Variants in PCDH11Y observed in about 807,000 individuals in gnomAD.
PCDH11Y encodes the protein protocadherin 11 Y-linked.
For missense variants in PCDH11Y, 12 were observed against 224.8 expected (o/e 0.05, Z 6.05); for synonymous variants, 9 against 83.6 (o/e 0.11, Z 4.87).
At chrY:5,452,124 C>G (rs2053293714) in intron 2 of PCDH11Y, among the ~76,000 whole-genome samples, 1 of 33,099 alleles carries the variant, frequency 3.0e-5, no homozygotes, top group African/African-American at 1.2e-4. Flanking sequence ...ATTCAGTTTG[C>G]TGAGAAGGAT....
intron 2 of PCDH11Y, among the ~76,000 whole-genome samples, chrY:5,223,226 G>A: frequency 6.2e-5 from 2 of 32,369 alleles, no homozygotes; most frequent in Non-Finnish European, 1.5e-4. Flanking sequence ...ATTTCTCTAT[G>A]ATATATTCTA....
chrY:5,193,004 T>G (rs2124648606), intron 2 of PCDH11Y, among the ~76,000 whole-genome samples: 1 of 32,704 alleles, frequency 3.1e-5, no homozygotes, highest in South Asian at 6.7e-4. Context: ...AATAGTCTTT[T>G]TCTCTCCCAA....
intron 2 of PCDH11Y, among the ~76,000 whole-genome samples, chrY:5,452,474 G>T: frequency 3.0e-5 from 1 of 33,428 alleles, no homozygotes; most frequent in Non-Finnish European, 7.4e-5. Context: ...ACACTTCGCA[G>T]CTGTGAACTG....
intron 1 of PCDH11Y, among the ~76,000 whole-genome samples, chrY:5,067,405 CTG>C (rs2124629939): frequency 3.0e-5 from 1 of 32,932 alleles, no homozygotes; most frequent in South Asian, 6.7e-4. Flanking sequence ...GTTTTGTAAA[CTG>C]TAATCTCATT....
At chrY:5,548,819 C>A in intron 3 of PCDH11Y, among the ~76,000 whole-genome samples, 3 of 32,688 alleles carry the variant, frequency 9.2e-5, no homozygotes, top group Non-Finnish European at 2.3e-4. Context: ...TGCAGCCAAA[C>A]TAAGCTTCCT....
chrY:5,003,354 T>C, intron 1 of PCDH11Y, among the ~76,000 whole-genome samples: 1 of 34,184 alleles, frequency 2.9e-5, no homozygotes, highest in Non-Finnish European at 7.3e-5. Flanking sequence ...TAACTGGTGT[T>C]AAATTTCTGC....
chrY:5,486,749 A>T (rs13303667), intron 2 of PCDH11Y, among the ~76,000 whole-genome samples: 1 of 10,389 alleles, frequency 9.6e-5, no homozygotes, highest in Non-Finnish European at 1.6e-4. Context: ...ATATATATAT[A>T]TATTTTTTTT....
At chrY:5,554,960 A>T in intron 3 of PCDH11Y, among the ~76,000 whole-genome samples, 1 of 32,158 alleles carries the variant, frequency 3.1e-5, no homozygotes, top group South Asian at 7.2e-4. Flanking sequence ...CAGACCTTAG[A>T]ATGGTAGATC....
At chrY:5,482,755 T>G in intron 2 of PCDH11Y, among the ~76,000 whole-genome samples, 2 of 29,407 alleles carry the variant, frequency 6.8e-5, no homozygotes. Context: ...ATTTAAATTT[T>G]AAGCAATTGC....
At chrY:5,526,982 G>T in intron 3 of PCDH11Y, among the ~76,000 whole-genome samples, 1 of 31,865 alleles carries the variant, frequency 3.1e-5, no homozygotes, top group Non-Finnish European at 7.6e-5. Context: ...TATGAAAGAA[G>T]AAATATGTGT....
intron 2 of PCDH11Y, among the ~76,000 whole-genome samples, chrY:5,112,921 T>TA (rs2052803820): frequency 5.9e-5 from 2 of 33,830 alleles, no homozygotes; most frequent in Non-Finnish European, 7.4e-5. Flanking sequence ...GCTGTAATTT[T>TA]AAAAAACCAA....
chrY:5,728,831 G>A (rs2053600976), intron 4 of PCDH11Y, among the ~76,000 whole-genome samples: 1 of 31,972 alleles, frequency 3.1e-5, no homozygotes, highest in South Asian at 7.2e-4. Flanking sequence ...ATTTCCATGA[G>A]TACCCAATGT....
intron 1 of PCDH11Y, among the ~76,000 whole-genome samples, chrY:5,097,605 G>A (rs1602862872): frequency 3.1e-5 from 1 of 32,367 alleles, no homozygotes; most frequent in East Asian, 8.0e-4. Flanking sequence ...TTATGAGGAC[G>A]CAAAGGCATA....
chrY:5,084,675 T>C (rs2052726543), intron 1 of PCDH11Y, among the ~76,000 whole-genome samples: 1 of 30,823 alleles, frequency 3.2e-5, no homozygotes. Context: ...TTTCTTTATA[T>C]ATCCAGGAGC....
At chrY:5,043,946 C>T (rs2052624155) in intron 3 of PCDH11Y, among the ~76,000 whole-genome samples, 1 of 33,047 alleles carries the variant, frequency 3.0e-5, no homozygotes, top group Admixed American at 2.8e-4. Context: ...TCTGTGGGAT[C>T]AGTGGTGATA....
In PCDH11Y at chrY:5,472,391, A is replaced by T. The variant is rs2124684840; in HGVS notation, c.3130-28666A>T. Among the ~76,000 whole-genome samples the T allele has an allele frequency of 2.2e-4, 7 of 31,777 alleles. No homozygotes were observed. The South Asian group carries it at 4.9e-3, about 22-fold the overall frequency. The allele number at this position is 31,777 out of a possible 37,273, so 85.3% of individuals were successfully genotyped here. A position where few individuals can be genotyped will look rare whatever the true frequency, so the allele number is the denominator to read the frequency against. On this transcript the variant is annotated intron_variant, in intron 2 of 4. Transcript: ENST00000400457. Reference sequence around the variant, plus strand: ...CTCCCAGATTTCCAAAACTGCTGGAAAATATATTTCTTAAAATGGCCTGTG... The same window carrying T: ...CTCCCAGATTTCCAAAACTGCTGGATAATATATTTCTTAAAATGGCCTGTG...
At chrY:5,218,565 G>A in intron 2 of PCDH11Y, among the ~76,000 whole-genome samples, 1 of 16,003 alleles carries the variant, frequency 6.2e-5, no homozygotes, top group South Asian at 1.9e-3. Context: ...GGCGGCAGAG[G>A]AATAATACAG....
At chrY:5,297,285 C>A in intron 2 of PCDH11Y, among the ~76,000 whole-genome samples, 1 of 32,921 alleles carries the variant, frequency 3.0e-5, no homozygotes, top group South Asian at 6.9e-4. Flanking sequence ...TCTTGTTAAA[C>A]AGAAAGTAGG....
intron 1 of PCDH11Y, among the ~76,000 whole-genome samples, chrY:5,081,612 G>A: frequency 3.3e-5 from 1 of 30,669 alleles, no homozygotes; most frequent in Non-Finnish European, 7.8e-5. Flanking sequence ...GAATTCCTAG[G>A]TATTTGATTC....
Sources: gnomAD v4.1 joint callset for allele counts (sites outside exome capture counted in the v4.1 genomes callset) on GRCh38, gnomAD v4.1.1 for gene constraint, MANE v1.5 for transcripts, NCBI Gene and HGNC (gene_info 2026-07-23, HGNC 2026-07-21) for gene names.